Variants in NR6A1 observed in about 807,000 individuals in gnomAD.
NR6A1 encodes retinoic acid receptor-related testis-associated receptor.
A neutral mutation model predicts 59.1 loss-of-function variants in NR6A1; 7 were observed. The observed-to-expected ratio is 0.12, with a 90% CI of 0.07 to 0.22. The LOEUF is 0.22. Among genes scored for constraint, NR6A1 ranks in the 10% least tolerant of loss-of-function variants. The pLI is 1.00. For missense variants in NR6A1, 468 were observed against 611.6 expected, an observed-to-expected ratio of 0.77 and a Z score of 2.48; for synonymous variants, 243 against 236.1, an observed-to-expected ratio of 1.03 and a Z score of -0.27.
chr9:124,702,901 A>T (rs1032576262), intron 2 of NR6A1, among the ~76,000 whole-genome samples: 4 of 146,170 alleles, frequency 2.7e-5, no homozygotes, highest in Admixed American at 1.4e-4. Flanking sequence ...GAATAGGCAA[A>T]TTTTTTTTTT....
At chr9:124,713,655 A>G (rs1448623274) in intron 2 of NR6A1, among the ~76,000 whole-genome samples, 1 of 152,180 alleles carries the variant, frequency 6.6e-6, no homozygotes, top group Non-Finnish European at 1.5e-5. Flanking sequence ...CAATATCACT[A>G]ATCATTAGGG....
intron 2 of NR6A1, chr9:124,658,790 G>A (rs1326863116): frequency 6.6e-6 from 1 of 151,814 alleles, no homozygotes; most frequent in Non-Finnish European, 1.5e-5. Flanking sequence ...TTTTAAAATT[G>A]AATCTGTTGA....
At chr9:124,668,131 TTA>T (rs756219409) in intron 2 of NR6A1, among the ~76,000 whole-genome samples, 3 of 152,192 alleles carry the variant, frequency 2.0e-5, no homozygotes, top group East Asian at 1.9e-4. Context: ...ATTTTATATG[TTA>T]TATGTGTTAT....
At chr9:124,591,520 T>A (rs940324112) in intron 2 of NR6A1, among the ~76,000 whole-genome samples, 2 of 152,192 alleles carry the variant, frequency 1.3e-5, no homozygotes, top group African/African-American at 2.4e-5. Context: ...AAGGGATCCA[T>A]CCAGAGGCAA....
intron 2 of NR6A1, chr9:124,599,233 A>T (rs556507691): frequency 8.9e-6 from 4 of 449,716 alleles, no homozygotes; most frequent in Non-Finnish European, 1.7e-5. Context: ...ACCTGAGGTC[A>T]GGAGTTTGAG....
Position 124,543,815 on chromosome 9 carries a change from A to G in NR6A1, c.428T>C (p.Ile143Thr), listed in dbSNP as rs766301629. The G allele has an allele frequency of 5.6e-6, 9 of 1,613,650 alleles. No homozygotes were observed. The highest frequency in any genetic ancestry group is 4.0e-5 in the African/African-American group (3 of 74,888). Residue 143 changes from isoleucine to threonine, a missense_variant, in exon 4 of 10, where the codon ATT becomes ACT. This residue lies in a region of NR6A1 where 66 missense variants were observed against 139.2 expected (regional missense o/e 0.47). Coordinates refer to ENST00000487099, the MANE Select transcript of NR6A1 (RefSeq NM_033334.4). ...DGMPGGRNKS[I>T]GPVQISEEEI... ...TCTAGAACTCACCTGGACTGGCCCA[A>G]TGCTCTTATTCCGGCCTCCAGGCAT...
chr9:124,737,083 T>C (rs1840040011), intron 1 of NR6A1, among the ~76,000 whole-genome samples: 1 of 152,178 alleles, frequency 6.6e-6, no homozygotes, highest in South Asian at 2.1e-4. Flanking sequence ...GGTTACTTGC[T>C]GTGGTTCTTG....
chr9:124,644,193 C>T (rs185014060), intron 2 of NR6A1, among the ~76,000 whole-genome samples: 8 of 151,176 alleles, frequency 5.3e-5, no homozygotes, highest in African/African-American at 1.2e-4. Context: ...TGAGCCACCG[C>T]GCCTGGCCTA....
At chr9:124,528,171 A>G (rs548211524) in intron 7 of NR6A1, among the ~76,000 whole-genome samples, 1 of 152,256 alleles carries the variant, frequency 6.6e-6, no homozygotes, top group African/African-American at 2.4e-5. Flanking sequence ...TTAACTTTGA[A>G]GGCTTTGCAG....
chr9:124,722,674 C>T (rs556263788), intron 2 of NR6A1, among the ~76,000 whole-genome samples: 1 of 152,118 alleles, frequency 6.6e-6, no homozygotes. Flanking sequence ...ATGTAGAACT[C>T]TCCTTGGTGG....
At chr9:124,650,902 A>C (rs1475226278) in intron 2 of NR6A1, among the ~76,000 whole-genome samples, 1 of 152,038 alleles carries the variant, frequency 6.6e-6, no homozygotes, top group African/African-American at 2.4e-5. Flanking sequence ...GTCTGTCCTA[A>C]GGGGTATAAT....
chr9:124,644,981 T>C (rs1836889300), intron 2 of NR6A1, among the ~76,000 whole-genome samples: 1 of 152,242 alleles, frequency 6.6e-6, no homozygotes, highest in Non-Finnish European at 1.5e-5. Context: ...TTCCAAGTCA[T>C]GTCATTACAC....
At chr9:124,546,667 A>G (rs1799284625) in intron 3 of NR6A1, among the ~76,000 whole-genome samples, 1 of 152,238 alleles carries the variant, frequency 6.6e-6, no homozygotes, top group Non-Finnish European at 1.5e-5. Flanking sequence ...AAAGTTATTG[A>G]AAGACTAATA....
chr9:124,637,115 G>C (rs1207250225), intron 2 of NR6A1, among the ~76,000 whole-genome samples: 1 of 152,154 alleles, frequency 6.6e-6, no homozygotes, highest in Non-Finnish European at 1.5e-5. Flanking sequence ...ACAATCAAAA[G>C]TAGCATTTGA....
chr9:124,738,739 T>C (rs1047800665), intron 1 of NR6A1, among the ~76,000 whole-genome samples: 6 of 151,948 alleles, frequency 3.9e-5, no homozygotes, highest in Non-Finnish European at 8.8e-5. Context: ...GTGCAGCGGC[T>C]CACACCTGTA....
chr9:124,680,090 A>ATGTGTGTGTGTGTGTG (rs57251719), intron 2 of NR6A1, among the ~76,000 whole-genome samples: 1 of 143,164 alleles, frequency 7.0e-6, no homozygotes, highest in East Asian at 2.0e-4. Flanking sequence ...GTGTGTATGT[A>ATGTGTGTGTGTGTGTG]TGTGTGTGTG....
chr9:124,662,552 TTACA>T (rs542994881), intron 2 of NR6A1, among the ~76,000 whole-genome samples: 74 of 152,338 alleles, frequency 4.9e-4, no homozygotes, highest in Admixed American at 4.2e-3. Flanking sequence ...GCTATTATTA[TTACA>T]TTTTTCCCCT....
chr9:124,698,542 A>C (rs1346472872), intron 2 of NR6A1: 1 of 152,208 alleles, frequency 6.6e-6, no homozygotes, highest in Non-Finnish European at 1.5e-5. Flanking sequence ...CTCAGGCTGT[A>C]CCTCAACAAG....
At chr9:124,567,442 C>T (rs1015467341) in intron 2 of NR6A1, among the ~76,000 whole-genome samples, 6 of 152,104 alleles carry the variant, frequency 3.9e-5, no homozygotes, top group Non-Finnish European at 5.9e-5. Context: ...GATTCCACAA[C>T]GAAGACTGCA....
Sources: gnomAD v4.1 joint callset for allele counts (sites outside exome capture counted in the v4.1 genomes callset) on GRCh38, gnomAD v4.1.1 for gene constraint, gnomAD v4.1.1 regional missense constraint, MANE v1.5 for transcripts, NCBI Gene and HGNC (gene_info 2026-07-23, HGNC 2026-07-21) for gene names.